Variants in SV2B observed in about 807,000 individuals in gnomAD.
SV2B encodes the protein solute carrier family 22 member B2.
In SV2B, 41 loss-of-function variants were observed where a neutral mutation model predicts 73.9. That is an observed-to-expected ratio of 0.56 (90% CI 0.43 to 0.72). The LOEUF (loss-of-function observed/expected upper bound fraction) is 0.72, where lower values mean the gene tolerates loss of function less well. Among genes scored for constraint, SV2B ranks in the 30% least tolerant of loss-of-function variants. The pLI is 0.00. For synonymous variants in SV2B, 314 were observed against 314.2 expected, an observed-to-expected ratio of 1.00 and a Z score of 0.01; for missense variants, 764 against 857.8, an observed-to-expected ratio of 0.89 and a Z score of 1.37.
rs1236712069 is a variant in SV2B at position 91,258,583 on chromosome 15, G to C, written c.918+29G>C. The C allele has an allele frequency of 1.9e-6, 3 of 1,611,970 alleles. No homozygotes were observed. ...AGTCAGTGCTTTTCCACCAGGGGGAGAGTGACAAAACAGCCACAGGAACCC... is the reference window on the plus strand; with the variant it reads ...AGTCAGTGCTTTTCCACCAGGGGGACAGTGACAAAACAGCCACAGGAACCC... On this transcript the variant is annotated intron_variant, in intron 5 of 12. Transcript: ENST00000394232. The surrounding 1 kb of genome is among the most constrained non-coding windows in gnomAD (Gnocchi z 4.7).
chr15:91,209,782 C>A (rs576945166), intron 1 of SV2B, among the ~76,000 whole-genome samples: 23 of 152,122 alleles, frequency 1.5e-4, no homozygotes, highest in African/African-American at 5.3e-4. Flanking sequence ...TAAATGAGAT[C>A]GTGAGTGAGA....
chr15:91,126,658 C>G (rs1449159996), intron 1 of SV2B, among the ~76,000 whole-genome samples: 1 of 152,108 alleles, frequency 6.6e-6, no homozygotes, highest in East Asian at 1.9e-4. Context: ...GATTATACAC[C>G]ATGACCAAAT....
chr15:91,286,179 G>A (rs531592521), intron 11 of SV2B, among the ~76,000 whole-genome samples: 1 of 152,272 alleles, frequency 6.6e-6, no homozygotes, highest in African/African-American at 2.4e-5. Flanking sequence ...CCTACATGCA[G>A]TGGGTCGGCT....
At chr15:91,144,442 T>C (rs2043088574) in intron 1 of SV2B, among the ~76,000 whole-genome samples, 1 of 152,206 alleles carries the variant, frequency 6.6e-6, no homozygotes, top group Non-Finnish European at 1.5e-5. Context: ...CATTTGCTTA[T>C]TCTTCCCCAA....
intron 1 of SV2B, among the ~76,000 whole-genome samples, chr15:91,181,053 A>G (rs990189783): frequency 3.7e-4 from 56 of 151,926 alleles, no homozygotes; most frequent in Admixed American, 1.8e-3. Context: ...GATGATGGTG[A>G]TGTACAGATG....
At position 91,167,003 on chromosome 15, in the gene SV2B, C is replaced by A. The variant is rs188957071; in HGVS notation, c.-391-58870C>A. 7.0e-3 allele frequency among the ~76,000 whole-genome samples: 1,059 copies of A among 151,910 alleles called. 5 individuals carry two copies. The highest frequency in any genetic ancestry group is 0.012 in the Non-Finnish European group (819 of 67,940). The stretch of plus-strand genomic sequence containing the variant: ...TATTTTTTTGTATTTTTAGTAGAGA[C>A]GGGGTTTCACCGTGTTATCCAGGAT... On this transcript the variant is annotated intron_variant, in intron 1 of 12. Transcript: ENST00000394232.
At position 91,115,721 on chromosome 15, in the gene SV2B, A is replaced by G. The variant is rs1449794737; in HGVS notation, c.-392+15358A>G. 4.6e-5 allele frequency among the ~76,000 whole-genome samples: 7 copies of G among 152,088 alleles called. No individual in the cohort carries two copies. The highest frequency in any genetic ancestry group is 4.6e-4 in the Admixed American group (7 of 15,266). The stretch of plus-strand genomic sequence containing the variant: ...GGGTTTCTAAGGGGTTCACATTTTT[A>G]TAACCATCTCCTTGCTTGCCCTAGT... On this transcript the variant is annotated intron_variant, in intron 1 of 12. Coordinates refer to ENST00000394232, the MANE Select transcript of SV2B (RefSeq NM_001323032.3). This position sits in a 1 kb window ranked among gnomAD's most constrained non-coding sequence, Gnocchi z 4.3.
In SV2B at chr15:91,124,453, A is replaced by T. The variant is rs1189423998; in HGVS notation, c.-392+24090A>T. On this transcript the variant is annotated intron_variant, in intron 1 of 12. Transcript: ENST00000394232. The surrounding 1 kb of genome is among the most constrained non-coding windows in gnomAD (Gnocchi z 4.6). The stretch of plus-strand genomic sequence containing the variant: ...GTGAGGAAGAGAGCCTGGAGGGGGA[A>T]ATGTGCATTCCTTACTTCACAAGAC... Among the ~76,000 whole-genome samples the T allele has an allele frequency of 6.6e-6, 1 of 152,066 alleles. No individual in the cohort carries two copies. The highest frequency in any genetic ancestry group is 2.4e-5 in the African/African-American group (1 of 41,408).
rs2049283318 is a variant in SV2B, at chr15:91,297,159, C to G, written c.*4607C>G. The G allele has an allele frequency of 1.3e-5, 2 of 153,632 alleles. No individual in the cohort carries two copies. The highest frequency in any genetic ancestry group is 4.8e-5 in the African/African-American group (2 of 41,444). 9.5% of individuals were successfully genotyped at this position (153,632 alleles called of 1,614,324 possible). ...GCACGCTCCTTCTGCCTTCAGACTC[C>G]TTGATTTTTAGTGCAGTTTCCATCA... On this transcript the variant is annotated 3_prime_UTR_variant, in exon 13 of 13. Transcript: ENST00000394232. The surrounding 1 kb of genome is among the most constrained non-coding windows in gnomAD (Gnocchi z 5.1).
intron 1 of SV2B, among the ~76,000 whole-genome samples, chr15:91,192,620 G>A (rs952349264): frequency 6.6e-6 from 1 of 152,154 alleles, no homozygotes; most frequent in Admixed American, 6.6e-5. Context: ...TCCTAATATG[G>A]CTTTAAAATG....
chr15:91,176,928 G>C (rs28782496), intron 1 of SV2B, among the ~76,000 whole-genome samples: 57,198 of 151,926 alleles, frequency 0.38, 12,283 homozygotes, highest in African/African-American at 0.56. Flanking sequence ...GGCTTTTGTT[G>C]CCATTGCTTT....
At position 91,290,325 on chromosome 15, in the gene SV2B, G is replaced by T. The variant is rs1436569845; in HGVS notation, c.1868+645G>T. ...AATGAAATTCTGCAAAAACCTTAAT[G>T]ATATTTCCAAAATTGGCGACAGAGG... On this transcript the variant is annotated intron_variant, in intron 12 of 12. Transcript: ENST00000394232. This position sits in a 1 kb window ranked among gnomAD's most constrained non-coding sequence, Gnocchi z 4.7. Among the ~76,000 whole-genome samples the T allele has an allele frequency of 1.3e-5, 2 of 152,178 alleles. No individual in the cohort carries two copies. Among genetic ancestry groups the T allele is most frequent in the Non-Finnish European group, 2.9e-5 (2 of 68,020 alleles).
At chr15:91,292,033 A>G (rs942205481) in intron 12 of SV2B, among the ~76,000 whole-genome samples, 4 of 152,150 alleles carry the variant, frequency 2.6e-5, no homozygotes, top group African/African-American at 9.7e-5. Context: ...ATACTTCTTC[A>G]TCCTTTCAAG....
At chr15:91,146,490 G>A (rs12905734) in intron 1 of SV2B, among the ~76,000 whole-genome samples, 36,668 of 151,934 alleles carry the variant, frequency 0.24, 5,371 homozygotes, top group East Asian at 0.64. Context: ...GAATGTCAAC[G>A]GTAGTTTAAT....
At chr15:91,142,362 A>G (rs12148632) in intron 1 of SV2B, among the ~76,000 whole-genome samples, 49,066 of 151,996 alleles carry the variant, frequency 0.32, 8,520 homozygotes, top group Non-Finnish European at 0.38. Context: ...ATTTTCCTGA[A>G]CAAAGAGAAC....
Position 91,220,163 on chromosome 15 carries a change from G to A in SV2B, c.-391-5710G>A, listed in dbSNP as rs1370007994. ...CTGCTGGGTTATTTGGTAAGTGTAT[G>A]TTTGACATTTTAAGAAACTGACGAA... On this transcript the variant is annotated intron_variant, in intron 1 of 12. Transcript: ENST00000394232. This position sits in a 1 kb window ranked among gnomAD's most constrained non-coding sequence, Gnocchi z 4.1. Among the ~76,000 whole-genome samples the A allele has an allele frequency of 6.6e-6, 1 of 152,194 alleles. No homozygotes were observed. Among genetic ancestry groups the A allele is most frequent in the Non-Finnish European group, 1.5e-5 (1 of 68,022 alleles).
intron 6 of SV2B, among the ~76,000 whole-genome samples, chr15:91,264,986 A>G (rs2048050959): frequency 6.6e-6 from 1 of 152,210 alleles, no homozygotes; most frequent in African/African-American, 2.4e-5. Flanking sequence ...TTAATGATGT[A>G]GAAGTAAATG....
At chr15:91,133,405 T>C (rs182130157) in intron 1 of SV2B, among the ~76,000 whole-genome samples, 4 of 152,344 alleles carry the variant, frequency 2.6e-5, no homozygotes, top group East Asian at 3.9e-4. Flanking sequence ...TTTTTTGTTT[T>C]TGTTTTTTGG....
rs2049273754 is a variant in SV2B at position 91,297,010 on chromosome 15, C to CAATCGTTGGGCGCACGCTTCTTCTGCCT, written c.*4458_*4459insAATCGTTGGGCGCACGCTTCTTCTGCCT. On this transcript the variant is annotated 3_prime_UTR_variant, in exon 13 of 13. Transcript: ENST00000394232. This position sits in a 1 kb window ranked among gnomAD's most constrained non-coding sequence, Gnocchi z 5.1. ...TCGTTGGGCGCACGCTCCTTCTGCC[C>CAATCGTTGGGCGCACGCTTCTTCTGCCT]GATCGTTGGGCGCACGCTTCTTCTG... The CAATCGTTGGGCGCACGCTTCTTCTGCCT allele has an allele frequency of 9.4e-6, 1 of 106,076 alleles. No homozygotes were observed. Among genetic ancestry groups the CAATCGTTGGGCGCACGCTTCTTCTGCCT allele is most frequent in the Non-Finnish European group, 2.0e-5 (1 of 51,038 alleles). 6.6% of individuals were successfully genotyped at this position (106,076 alleles called of 1,614,324 possible).
Sources: allele counts gnomAD v4.1 joint callset (sites outside exome capture counted in the v4.1 genomes callset), GRCh38; gene constraint gnomAD v4.1.1; non-coding constraint Gnocchi (gnomAD v3.1); transcripts MANE v1.5; gene names NCBI Gene and HGNC (gene_info 2026-07-23, HGNC 2026-07-21).